The following EML6 variants were observed in gnomAD, a reference collection of about 807,000 sequenced individuals.
EML6 encodes EMAP like 6.
EML6 carries 154 observed loss-of-function variants against 240.1 expected under a neutral mutation model. That is an observed-to-expected ratio of 0.64 (90% CI 0.56 to 0.73). The LOEUF (loss-of-function observed/expected upper bound fraction) is 0.73. Ranked by LOEUF, EML6 falls within the 30% of genes least tolerant of loss-of-function variation. The probability of loss-of-function intolerance (pLI) is 0.00; values close to 1 mark genes in which losing one functional copy is unlikely to be tolerated. For synonymous variants in EML6, 1,148 were observed against 899.0 expected (o/e 1.28, Z -4.95); for missense variants, 2,964 against 2,474.6 (o/e 1.20, Z -4.20).
chr2:54,806,272 G>A (rs1307170070), intron 2 of EML6, among the ~76,000 whole-genome samples: 1 of 151,942 alleles, frequency 6.6e-6, no homozygotes, highest in Non-Finnish European at 1.5e-5. Context: ...TAAATTCAAG[G>A]AGAGTTCACC....
rs937724108 is a variant in EML6, at chr2:54,863,923, C to T, written c.1932+34C>T. The T allele has an allele frequency of 4.3e-6, 5 of 1,153,118 alleles. No individual in the cohort carries two copies. In the African/African-American group the frequency reaches 6.2e-5, roughly 14 times the overall value. The allele number at this position is 1,153,118 out of a possible 1,614,324, so 71.4% of individuals were successfully genotyped here. Reference sequence around the variant, plus strand: ...GCAGGGAGCAATGAAAATTTGTAACCCCAGAAGGGGATCTCATTCCTGGAT... The same window carrying T: ...GCAGGGAGCAATGAAAATTTGTAACTCCAGAAGGGGATCTCATTCCTGGAT... On this transcript the variant is annotated intron_variant, in intron 13 of 41. Transcript: ENST00000356458.
rs1668537410 is a variant in EML6 at position 54,774,998 on chromosome 2, A to G, written c.198-38234A>G. Among the ~76,000 whole-genome samples, 1 of 152,242 alleles carries G rather than the reference A, an allele frequency of 6.6e-6. No individual in the cohort carries two copies. The highest frequency in any genetic ancestry group is 1.9e-4 in the East Asian group (1 of 5,208). ...AGAAATTTCCTGAAAATATGATCAA[A>G]AAATGAAAAAGCAAATACTTAGTGA... is the stretch of plus-strand genomic sequence containing the variant. On this transcript the variant is annotated intron_variant, in intron 2 of 41. Coordinates refer to ENST00000356458, the MANE Select transcript of EML6 (RefSeq NM_001039753.4). The surrounding 1 kb of genome is among the most constrained non-coding windows in gnomAD (Gnocchi z 4.1).
At chr2:54,938,340 G>C (rs1055795344) in intron 28 of EML6, among the ~76,000 whole-genome samples, 36 of 152,080 alleles carry the variant, frequency 2.4e-4, no homozygotes, top group Non-Finnish European at 5.3e-4. Flanking sequence ...GTAATTTTAG[G>C]GTATGCAGAA....
At chr2:54,907,445 T>G (rs550734689) in intron 24 of EML6, among the ~76,000 whole-genome samples, 1 of 152,258 alleles carries the variant, frequency 6.6e-6, no homozygotes, top group South Asian at 2.1e-4. Flanking sequence ...AGGCAGAGGT[T>G]GCAGGGAGCT....
In EML6 at chr2:54,841,678, C is replaced by T. The variant is rs147722968; in HGVS notation, c.848-2369C>T. Among the ~76,000 whole-genome samples the T allele has an allele frequency of 5.4e-3, 820 of 151,278 alleles. 5 individuals are homozygous for T. Among genetic ancestry groups the T allele is most frequent in the Non-Finnish European group, 8.0e-3 (540 of 67,896 alleles). On this transcript the variant is annotated intron_variant, in intron 7 of 41. Coordinates refer to ENST00000356458, the MANE Select transcript of EML6 (RefSeq NM_001039753.4). Reference sequence around the variant, plus strand: ...AATCTCAGCTCACTGCAAGTCCCTCCGCCTCCCAGGCTCATGCCATTCTCG... The same window carrying T: ...AATCTCAGCTCACTGCAAGTCCCTCTGCCTCCCAGGCTCATGCCATTCTCG...
intron 2 of EML6, 51 bp from the exon 3 acceptor site, chr2:54,813,181 T>A: frequency 7.6e-7 from 1 of 1,311,870 alleles, no homozygotes; most frequent in Non-Finnish European, 1.1e-6. Flanking sequence ...TAAAAGGTGA[T>A]CAGTGTTTTC....
At chr2:54,944,323 T>C (rs1276948729) in intron 28 of EML6, among the ~76,000 whole-genome samples, 1 of 152,170 alleles carries the variant, frequency 6.6e-6, no homozygotes, top group African/African-American at 2.4e-5. Context: ...TCTGTCCAGA[T>C]ATGCAAGCTG....
rs183446942 is a variant in EML6 at position 54,961,754 on chromosome 2, G to A, written c.4969-769G>A. On this transcript the variant is annotated intron_variant, in intron 35 of 41. Coordinates refer to ENST00000356458, the MANE Select transcript of EML6 (RefSeq NM_001039753.4). ...ATGGTGGCTCACACCTGTAATCCCA[G>A]CACTCTGGGAGGCCAAGAGGCAGGC... 1.2e-3 allele frequency among the ~76,000 whole-genome samples: 177 copies of A among 151,784 alleles called. 2 individuals are homozygous for A. The highest frequency in any genetic ancestry group is 0.01 in the Middle Eastern group (3 of 294).
At chr2:54,820,965 C>T (rs1282973971) in intron 5 of EML6, among the ~76,000 whole-genome samples, 1 of 152,180 alleles carries the variant, frequency 6.6e-6, no homozygotes, top group Non-Finnish European at 1.5e-5. Flanking sequence ...ACTACACTCT[C>T]ATCTGGGTAG....
chr2:54,949,548 C>T (rs1032589335), intron 29 of EML6, among the ~76,000 whole-genome samples: 3 of 152,204 alleles, frequency 2.0e-5, no homozygotes, highest in Non-Finnish European at 2.9e-5. Flanking sequence ...ACTAGGCTCT[C>T]ATAAAGTCAG....
intron 28 of EML6, among the ~76,000 whole-genome samples, chr2:54,945,722 T>C (rs963220351): frequency 6.6e-6 from 1 of 152,198 alleles, no homozygotes; most frequent in Non-Finnish European, 1.5e-5. Context: ...CCCAGTGCCT[T>C]GGGGAGGGGG....
chr2:54,928,163 C>G, intron 26 of EML6, 150 bp from the exon 27 acceptor site: 1 of 680,808 alleles, frequency 1.5e-6, no homozygotes, highest in Non-Finnish European at 2.6e-6. Context: ...AGACCTAGTG[C>G]CTGCCCACAT....
At chr2:54,788,527 G>A (rs1044133991) in intron 2 of EML6, among the ~76,000 whole-genome samples, 5 of 152,156 alleles carry the variant, frequency 3.3e-5, no homozygotes, top group South Asian at 2.1e-4. Flanking sequence ...GCCGCCCCCC[G>A]CCCCAGCAGG....
chr2:54,839,015 T>C (rs1170595937), intron 7 of EML6, among the ~76,000 whole-genome samples: 2 of 152,346 alleles, frequency 1.3e-5, no homozygotes, highest in African/African-American at 4.8e-5. Flanking sequence ...CAGAGCAGAA[T>C]AGAAAGCAGT....
chr2:54,744,575 G>A (rs115323527), intron 2 of EML6, among the ~76,000 whole-genome samples: 2 of 152,032 alleles, frequency 1.3e-5, no homozygotes, highest in East Asian at 1.9e-4. Context: ...CCTCTGGAAC[G>A]CAGAGCAGGG....
intron 2 of EML6, among the ~76,000 whole-genome samples, chr2:54,789,445 C>T (rs2931461): frequency 7.9e-6 from 1 of 127,308 alleles, no homozygotes; most frequent in Non-Finnish European, 1.6e-5. Context: ...ACCCGGGAGG[C>T]GGAGCTTGCA....
At chr2:54,864,473 A>C (rs1670857994) in intron 13 of EML6, among the ~76,000 whole-genome samples, 1 of 152,226 alleles carries the variant, frequency 6.6e-6, no homozygotes, top group Non-Finnish European at 1.5e-5. Context: ...TCATTTTAGC[A>C]CTAAACAGTG....
At chr2:54,918,740 C>G (rs1362546853) in intron 26 of EML6, among the ~76,000 whole-genome samples, 2 of 152,162 alleles carry the variant, frequency 1.3e-5, no homozygotes, top group Admixed American at 1.3e-4. Flanking sequence ...TATCCTGGTC[C>G]AAGAAGACAT....
rs536911375 is a variant in EML6, at chr2:54,895,498, C to T, written c.2982+98C>T. 2.5e-6 allele frequency: 3 copies of T among 1,218,722 alleles called. No individual in the cohort carries two copies. The East Asian group carries it at 7.6e-5, about 31-fold the overall frequency. 75.5% of individuals were successfully genotyped at this position (1,218,722 alleles called of 1,614,324 possible). A position where few individuals can be genotyped will look rare whatever the true frequency, so the allele number is the denominator to read the frequency against. On this transcript the variant is annotated intron_variant, in intron 21 of 41. Coordinates refer to ENST00000356458, the MANE Select transcript of EML6 (RefSeq NM_001039753.4). ...AGGTTGCAAAACTTAAGGAGGCACT[C>T]ACTCTCAGGGTTGCACAAGAGTTGA...
Sources: allele counts gnomAD v4.1 joint callset (sites outside exome capture counted in the v4.1 genomes callset), GRCh38; gene constraint gnomAD v4.1.1; non-coding constraint Gnocchi (gnomAD v3.1); transcripts MANE v1.5; gene names NCBI Gene and HGNC (gene_info 2026-07-23, HGNC 2026-07-21).